The following MEF2D variants were observed in gnomAD, a reference collection of about 807,000 sequenced individuals.
MEF2D encodes the protein myocyte enhancer factor 2D.
In MEF2D, 10 loss-of-function variants were observed where a neutral mutation model predicts 59.3. The observed-to-expected ratio is 0.17, with a 90% CI of 0.10 to 0.29. The LOEUF is 0.29. MEF2D is among the 10% of genes least tolerant of loss of function. MEF2D has a pLI of 1.00. For synonymous variants in MEF2D, 305 were observed against 295.0 expected (o/e 1.03, Z -0.35); for missense variants, 508 against 699.4 (o/e 0.73, Z 3.09).
intron 6 of MEF2D, 137 bp downstream of exon 6, chr1:156,479,153 C>T: frequency 1.6e-6 from 1 of 637,480 alleles, no homozygotes; most frequent in Non-Finnish European, 2.5e-6. Context: ...TTAAAAATCT[C>T]TGACTGACTC....
At chr1:156,473,473 C>T (rs1357629002) in intron 9 of MEF2D, among the ~76,000 whole-genome samples, 1 of 152,216 alleles carries the variant, frequency 6.6e-6, no homozygotes, top group African/African-American at 2.4e-5. Context: ...CATAACCATT[C>T]ACATGTGAGA....
rs540739842 is a variant in MEF2D at position 156,499,229 on chromosome 1, T to C, written c.-139+1257A>G. Among the ~76,000 whole-genome samples the C allele has an allele frequency of 4.5e-4, 69 of 152,216 alleles. 1 individual carries two copies. The highest frequency in any genetic ancestry group is 3.4e-3 in the Middle Eastern group (1 of 294). ...ACCCTGAATTGCTGCGGAGACCCAC[T>C]GAAGGGATAGGAGGAGGAGTGGATA... On this transcript the variant is annotated intron_variant, in intron 1 of 11. Coordinates refer to ENST00000348159, the MANE Select transcript of MEF2D (RefSeq NM_005920.4).
In MEF2D at chr1:156,468,662, A is replaced by G. The variant is rs1416820054; in HGVS notation, c.1247+118T>C. 6.7e-7 allele frequency: 1 copy of G among 1,493,594 alleles called. No homozygotes were observed. The highest frequency in any genetic ancestry group is 9.0e-7 in the Non-Finnish European group (1 of 1,107,220). 92.5% of individuals were successfully genotyped at this position (1,493,594 alleles called of 1,614,324 possible). On this transcript the variant is annotated intron_variant, in intron 10 of 11. Coordinates refer to ENST00000348159, the MANE Select transcript of MEF2D (RefSeq NM_005920.4). The surrounding 1 kb of genome is among the most constrained non-coding windows in gnomAD (Gnocchi z 4.3). ...TGTTGCCTAACAGACTGTGCAGTGC[A>G]CAGCCTCATAGGATGTCCACTAGAA...
chr1:156,491,697 CTGG>C (rs1672807824), intron 1 of MEF2D, among the ~76,000 whole-genome samples: 1 of 152,212 alleles, frequency 6.6e-6, no homozygotes, highest in Admixed American at 6.5e-5. Flanking sequence ...TGTTTGGTCC[CTGG>C]TGGGACCAGC....
intron 7 of MEF2D, 45 bp from the exon 8 acceptor site, chr1:156,476,559 C>T (rs1327514613): frequency 6.3e-7 from 1 of 1,599,282 alleles, no homozygotes; most frequent in Non-Finnish European, 8.5e-7. Flanking sequence ...TCTCTGGCCG[C>T]TGCCCTCCCC....
chr1:156,476,633 A>T, intron 7 of MEF2D, 119 bp from the exon 8 acceptor site: 1 of 1,240,464 alleles, frequency 8.1e-7, no homozygotes, highest in South Asian at 1.3e-5. Flanking sequence ...GGCTCTACCC[A>T]GCCTACAAAG....
At position 156,468,747 on chromosome 1, in the gene MEF2D, C is replaced by T. The variant is rs759497304; in HGVS notation, c.1247+33G>A. 1.3e-6 allele frequency: 2 copies of T among 1,593,352 alleles called. No homozygotes were observed. Among genetic ancestry groups the T allele is most frequent in the Admixed American group, 3.4e-5 (2 of 59,564 alleles). On this transcript the variant is annotated intron_variant, in intron 10 of 11. Coordinates refer to ENST00000348159, the MANE Select transcript of MEF2D (RefSeq NM_005920.4). This position sits in a 1 kb window ranked among gnomAD's most constrained non-coding sequence, Gnocchi z 4.3. ...CTCTTCCCGTTCAATTCTCCCTTCC[C>T]ACACACTCACATGCAGTCTCCCCAG...
At chr1:156,472,563 T>C (rs1671299901) in intron 9 of MEF2D, among the ~76,000 whole-genome samples, 1 of 152,224 alleles carries the variant, frequency 6.6e-6, no homozygotes, top group South Asian at 2.1e-4. Context: ...TTTCCCTTTT[T>C]TTGAGACAAA....
At chr1:156,474,312 G>T (rs1671427280) in intron 9 of MEF2D, among the ~76,000 whole-genome samples, 1 of 152,158 alleles carries the variant, frequency 6.6e-6, no homozygotes, top group Non-Finnish European at 1.5e-5. Context: ...AGCTGGGCAT[G>T]GTGGCGCATG....
intron 8 of MEF2D, 57 bp from the exon 9 acceptor site, chr1:156,475,294 G>A: frequency 6.6e-7 from 1 of 1,516,520 alleles, no homozygotes; most frequent in Non-Finnish European, 8.8e-7. Context: ...CTTTATGTTG[G>A]CCCTCCATCC....
intron 9 of MEF2D, among the ~76,000 whole-genome samples, chr1:156,474,690 G>A (rs1235179999): frequency 1.3e-5 from 2 of 149,740 alleles, no homozygotes; most frequent in Admixed American, 6.6e-5. Context: ...TGTGCCTGTA[G>A]TCCCAGCTAC....
Position 156,468,303 on chromosome 1 carries a change from G to A in MEF2D, c.1248-4C>T. On this transcript the variant is annotated splice_region_variant and splice_polypyrimidine_tract_variant and intron_variant, in intron 10 of 11. Coordinates refer to ENST00000348159, the MANE Select transcript of MEF2D (RefSeq NM_005920.4). This position sits in a 1 kb window ranked among gnomAD's most constrained non-coding sequence, Gnocchi z 4.3. ...GTGGGGCAGGGGGCTGCCCGGGCTG[G>A]AGGCAGGCAATGGAAATGGGGTACA... The A allele has an allele frequency of 6.5e-7, 1 of 1,538,742 alleles. No homozygotes were observed. The highest frequency in any genetic ancestry group is 8.8e-7 in the Non-Finnish European group (1 of 1,142,664).
intron 9 of MEF2D, among the ~76,000 whole-genome samples, chr1:156,470,246 C>A (rs1326945713): frequency 6.6e-6 from 1 of 151,926 alleles, no homozygotes; most frequent in South Asian, 2.1e-4. Flanking sequence ...ATGGTGAAAC[C>A]CCATCTCTAT....
chr1:156,481,023 C>T (rs1297280327), intron 3 of MEF2D, 52 bp from the exon 4 acceptor site: 3 of 1,607,186 alleles, frequency 1.9e-6, no homozygotes, highest in East Asian at 4.5e-5. Context: ...CCGCCCGCCT[C>T]GCTGGAGTTC....
chr1:156,481,024 G>T, intron 3 of MEF2D, 53 bp from the exon 4 acceptor site: 30 of 1,606,854 alleles, frequency 1.9e-5, no homozygotes, highest in Non-Finnish European at 2.4e-5. Context: ...CGCCCGCCTC[G>T]CTGGAGTTCC....
At position 156,464,835 on chromosome 1, in the gene MEF2D, G is replaced by C. The variant is rs1323783766; in HGVS notation, c.*2810C>G. 1 of 152,196 alleles carries C rather than the reference G, an allele frequency of 6.6e-6. No individual in the cohort carries two copies. The highest frequency in any genetic ancestry group is 2.4e-5 in the African/African-American group (1 of 41,444). The allele number at this position is 152,196 out of a possible 1,614,324, so 9.4% of individuals were successfully genotyped here. ...GCAAAACTGGTGAATATTGCACCGT[G>C]AATTGCAGGGGCCCTCACCCCCACC... On this transcript the variant is annotated 3_prime_UTR_variant, in exon 12 of 12. Transcript: ENST00000348159.
chr1:156,474,022 C>T (rs779687862), intron 9 of MEF2D, among the ~76,000 whole-genome samples: 1 of 152,090 alleles, frequency 6.6e-6, no homozygotes, highest in East Asian at 1.9e-4. Context: ...CTGAACTGAC[C>T]ACGTCCCCCT....
chr1:156,479,245 C>T lies in MEF2D; in HGVS notation c.664+45G>A, dbSNP rs113191002. On this transcript the variant is annotated intron_variant, in intron 6 of 11. Transcript: ENST00000348159. ...CCTTGGACCCCCTGAGGCCACTGAG[C>T]GGGCACCCCTCCCCACCTCCAGGTA... 3,082 of 1,543,790 alleles carry T rather than the reference C, an allele frequency of 2.0e-3. 4 individuals are homozygous for T. The highest frequency in any genetic ancestry group is 2.4e-3 in the Non-Finnish European group (2,771 of 1,143,886).
intron 1 of MEF2D, among the ~76,000 whole-genome samples, chr1:156,495,392 G>C (rs1182700636): frequency 1.3e-5 from 2 of 152,166 alleles, no homozygotes; most frequent in African/African-American, 4.8e-5. Flanking sequence ...GTTTTAGAGA[G>C]AAACAGTCTT....
Sources: allele counts gnomAD v4.1 joint callset (sites outside exome capture counted in the v4.1 genomes callset), GRCh38; gene constraint gnomAD v4.1.1; non-coding constraint Gnocchi (gnomAD v3.1); transcripts MANE v1.5; gene names NCBI Gene and HGNC (gene_info 2026-07-23, HGNC 2026-07-21).